The following MYRIP variants were observed in gnomAD, a reference collection of about 807,000 sequenced individuals.
MYRIP encodes the protein myosin VIIA and Rab interacting protein.
MYRIP carries 49 observed loss-of-function variants against 98.0 expected under a neutral mutation model. That is an observed-to-expected ratio of 0.50 (90% confidence interval 0.40 to 0.63). The LOEUF (loss-of-function observed/expected upper bound fraction) is 0.63, where lower values mean the gene tolerates loss of function less well. Ranked by LOEUF, MYRIP falls within the 30% of genes least tolerant of loss-of-function variation. MYRIP has a pLI of 0.00. For synonymous variants in MYRIP, 404 were observed against 409.5 expected, an observed-to-expected ratio of 0.99 and a Z score of 0.16; for missense variants, 1,004 against 1,058.2, an observed-to-expected ratio of 0.95 and a Z score of 0.71.
chr3:40,207,192 T>C (rs891388353), intron 10 of MYRIP, among the ~76,000 whole-genome samples: 4 of 152,190 alleles, frequency 2.6e-5, no homozygotes, highest in African/African-American at 9.7e-5. Flanking sequence ...CCCCACTCTC[T>C]CCACTTCTGA....
rs879856249 is a variant in MYRIP, at chr3:40,150,080, C to CT, written c.333-957dup. Among the ~76,000 whole-genome samples the CT allele has an allele frequency of 9.5e-3, 1,388 of 146,582 alleles. 19 individuals are homozygous for CT. Among genetic ancestry groups the CT allele is most frequent in the African/African-American group, 0.031 (1,261 of 40,212 alleles). The stretch of plus-strand genomic sequence containing the variant: ...CATAAAAGAGAAGAATCTTGTCTTT[C>CT]TTTTTTTTTTTATTTATTTTTAGAT... On this transcript the variant is annotated intron_variant, in intron 3 of 16. Transcript: ENST00000302541.
chr3:40,133,395 T>C (rs924037442), intron 3 of MYRIP, among the ~76,000 whole-genome samples: 2 of 152,232 alleles, frequency 1.3e-5, no homozygotes, highest in Non-Finnish European at 2.9e-5. Context: ...GTCTGCAGAA[T>C]GCATGGGACC....
chr3:40,169,967 G>A lies in MYRIP; in HGVS notation c.747G>A (p.Lys249=), dbSNP rs766141450. Residue 249 remains lysine (K), a synonymous_variant, in exon 8 of 17, where the codon AAG becomes AAA. Transcript: ENST00000302541. The part of the protein sequence containing the change: ...TILQKIIRKQ[K]SKSEQQVEEE... ...CTCCCCAGATTATACGAAAACAGAA[G>A]AGCAAAAGTGAGCAGCAAGTGGAAG... The A allele has an allele frequency of 3.7e-6, 6 of 1,614,050 alleles. No homozygotes were observed. The African/African-American group carries it at 5.3e-5, about 14-fold the overall frequency.
chr3:40,186,823 G>A (rs1396480518), intron 9 of MYRIP, among the ~76,000 whole-genome samples: 1 of 152,168 alleles, frequency 6.6e-6, no homozygotes, highest in African/African-American at 2.4e-5. Context: ...CTGAGAACCT[G>A]AGCATTCCTG....
At chr3:40,169,573 C>A (rs969577089) in intron 7 of MYRIP, among the ~76,000 whole-genome samples, 1 of 152,188 alleles carries the variant, frequency 6.6e-6, no homozygotes, top group Non-Finnish European at 1.5e-5. Flanking sequence ...GCTGTGTAGC[C>A]TTATCCAATA....
At chr3:40,172,300 G>A (rs1950635686) in intron 8 of MYRIP, among the ~76,000 whole-genome samples, 1 of 152,192 alleles carries the variant, frequency 6.6e-6, no homozygotes, top group African/African-American at 2.4e-5. Flanking sequence ...GTAGACGCTC[G>A]GTTAGGGAGC....
At chr3:39,895,379 G>A (rs143465768) in intron 1 of MYRIP, among the ~76,000 whole-genome samples, 1 of 151,998 alleles carries the variant, frequency 6.6e-6, no homozygotes, top group South Asian at 2.1e-4. Context: ...TAGAGACGGG[G>A]TTTCACCATA....
intron 12 of MYRIP, among the ~76,000 whole-genome samples, chr3:40,243,273 T>C (rs1953083069): frequency 6.6e-6 from 1 of 152,114 alleles, no homozygotes; most frequent in African/African-American, 2.4e-5. Context: ...TGTACCTGCC[T>C]TTGCTCCACC....
intron 2 of MYRIP, among the ~76,000 whole-genome samples, chr3:39,991,796 T>C (rs1433991359): frequency 6.6e-6 from 1 of 152,184 alleles, no homozygotes; most frequent in African/African-American, 2.4e-5. Flanking sequence ...TCTGTAGCCC[T>C]TATCACTTTC....
chr3:40,018,855 AAAT>A (rs1225368875), intron 2 of MYRIP, among the ~76,000 whole-genome samples: 2 of 152,310 alleles, frequency 1.3e-5, no homozygotes, highest in East Asian at 3.9e-4. Context: ...AAATGATCCC[AAAT>A]AATAATACAC....
intron 1 of MYRIP, among the ~76,000 whole-genome samples, chr3:39,884,753 C>CT (rs1170644284): frequency 9.9e-5 from 15 of 150,860 alleles, no homozygotes; most frequent in Non-Finnish European, 1.9e-4. Flanking sequence ...ATTTTTCTTC[C>CT]TTTTTTTCCT....
intron 12 of MYRIP, among the ~76,000 whole-genome samples, chr3:40,241,238 G>A (rs1377339092): frequency 1.3e-5 from 2 of 152,162 alleles, no homozygotes; most frequent in Admixed American, 6.5e-5. Flanking sequence ...TGCCCATGGA[G>A]TATACAACCA....
At chr3:40,236,523 G>A (rs1415075480) in intron 12 of MYRIP, among the ~76,000 whole-genome samples, 1 of 152,158 alleles carries the variant, frequency 6.6e-6, no homozygotes, top group Non-Finnish European at 1.5e-5. Context: ...AGGTATATTT[G>A]CTAGTAATGG....
chr3:40,060,213 A>G (rs952878482), intron 3 of MYRIP, among the ~76,000 whole-genome samples: 1 of 152,078 alleles, frequency 6.6e-6, no homozygotes, highest in Non-Finnish European at 1.5e-5. Flanking sequence ...GCTTTGGGAA[A>G]CTCTGTGCTC....
At chr3:39,962,349 G>A (rs981557621) in intron 2 of MYRIP, among the ~76,000 whole-genome samples, 2 of 152,094 alleles carry the variant, frequency 1.3e-5, no homozygotes, top group African/African-American at 4.8e-5. Context: ...TTAAGGAACT[G>A]AGTGACTATT....
At chr3:39,958,306 G>C (rs1456627027) in intron 2 of MYRIP, among the ~76,000 whole-genome samples, 1 of 152,116 alleles carries the variant, frequency 6.6e-6, no homozygotes, top group Non-Finnish European at 1.5e-5. Flanking sequence ...AACCAAAACA[G>C]CATGGTACTG....
chr3:39,820,111 T>A (rs9848961), intron 1 of MYRIP, among the ~76,000 whole-genome samples: 1 of 152,042 alleles, frequency 6.6e-6, no homozygotes, highest in Non-Finnish European at 1.5e-5. Context: ...GCAAAACGTG[T>A]GTGCCCCAGG....
At chr3:39,980,263 A>G (rs1022248152) in intron 2 of MYRIP, among the ~76,000 whole-genome samples, 1 of 152,200 alleles carries the variant, frequency 6.6e-6, no homozygotes, top group African/African-American at 2.4e-5. Context: ...TTAATTGTAC[A>G]ACAGACTTGT....
chr3:39,913,299 G>A (rs1944071062), intron 2 of MYRIP, among the ~76,000 whole-genome samples: 2 of 152,174 alleles, frequency 1.3e-5, no homozygotes, highest in South Asian at 4.1e-4. Context: ...AACCTCTATA[G>A]AGGATGAGAT....
Sources: allele counts gnomAD v4.1 joint callset (sites outside exome capture counted in the v4.1 genomes callset), GRCh38; gene constraint gnomAD v4.1.1; transcripts MANE v1.5; gene names NCBI Gene and HGNC (gene_info 2026-07-23, HGNC 2026-07-21).